Variants in DMD observed in about 807,000 individuals in gnomAD.
The protein encoded by DMD is mutant dystrophin.
A neutral mutation model predicts 330.1 loss-of-function variants in DMD; 63 were observed. That is an observed-to-expected ratio of 0.19 (90% CI 0.16 to 0.24). The LOEUF is 0.24. Among genes scored for constraint, DMD ranks in the 10% least tolerant of loss-of-function variants. The pLI, the probability that DMD is intolerant of heterozygous loss-of-function variation, is 1.00. For missense variants in DMD, 3,344 were observed against 2,684.1 expected, an observed-to-expected ratio of 1.25 and a Z score of -5.43; for synonymous variants, 1,223 against 959.8, an observed-to-expected ratio of 1.27 and a Z score of -5.07.
At chrX:32,980,368 CAAAAAAAAAAAAAAA>C in intron 2 of DMD, among the ~76,000 whole-genome samples, 1 of 42,633 alleles carries the variant, frequency 2.3e-5, no homozygotes, top group African/African-American at 8.8e-5. Flanking sequence ...GACTCTGTCT[CAAAAAAAAAAAAAAA>C]AAAAAAAAAA....
chrX:31,894,331 A>T (rs944359226), intron 47 of DMD, among the ~76,000 whole-genome samples: 1 of 111,709 alleles, frequency 9.0e-6, no homozygotes, highest in Admixed American at 9.5e-5. Flanking sequence ...ACCTACACCA[A>T]ATGGCTAACA....
intron 41 of DMD, among the ~76,000 whole-genome samples, chrX:32,311,503 A>G (rs1451176897): frequency 3.6e-5 from 4 of 111,627 alleles, no homozygotes; most frequent in Non-Finnish European, 7.6e-5. Context: ...TCTAATTTAG[A>G]TATCTCATCT....
At chrX:31,450,684 A>C (rs2065652090) in intron 59 of DMD, among the ~76,000 whole-genome samples, 1 of 112,152 alleles carries the variant, frequency 8.9e-6, no homozygotes, top group African/African-American at 3.2e-5. Context: ...CTTAAGAAAA[A>C]GGGAGTGAGA....
intron 7 of DMD, among the ~76,000 whole-genome samples, chrX:32,750,809 C>CA (rs1301885158): frequency 1.8e-5 from 2 of 111,506 alleles, no homozygotes; most frequent in African/African-American, 6.5e-5. Context: ...CATGAATTCC[C>CA]ACATGTTGTA....
chrX:32,171,716 A>C lies in DMD; in HGVS notation c.6438+45200T>G, dbSNP rs780053597. Reference sequence around the variant, plus strand: ...ATTCAATAGTTATTATATTATGATAATTTGCATATGTAGACATCCTTGAAA... The same window carrying C: ...ATTCAATAGTTATTATATTATGATACTTTGCATATGTAGACATCCTTGAAA... On this transcript the variant is annotated intron_variant, in intron 44 of 78. Transcript: ENST00000357033. Among the ~76,000 whole-genome samples the C allele has an allele frequency of 6.3e-5, 7 of 111,901 alleles. No homozygotes were observed. The South Asian group carries it at 2.2e-3, about 36-fold the overall frequency.
At chrX:32,467,069 T>G (rs1306166991) in intron 23 of DMD, among the ~76,000 whole-genome samples, 1 of 112,122 alleles carries the variant, frequency 8.9e-6, no homozygotes, top group African/African-American at 3.2e-5. Flanking sequence ...ATAGATATTT[T>G]CATGCAGTAT....
chrX:31,871,054 T>TC lies in DMD; in HGVS notation c.7098+4133dup, dbSNP rs779958511. 3.6e-5 allele frequency among the ~76,000 whole-genome samples: 4 copies of TC among 111,837 alleles called. No homozygotes were observed. The Admixed American group carries it at 3.8e-4, about 11-fold the overall frequency. Reference sequence around the variant, plus strand: ...TAGAAATTCTAAACTGGTCCCGGGATCTTAGCATTCAATTATCATTTCTGA... The same window carrying TC: ...TAGAAATTCTAAACTGGTCCCGGGATCCTTAGCATTCAATTATCATTTCTGA... On this transcript the variant is annotated intron_variant, in intron 48 of 78. Transcript: ENST00000357033.
chrX:32,511,838 A>G (rs981800072), intron 18 of DMD, among the ~76,000 whole-genome samples: 1 of 111,789 alleles, frequency 8.9e-6, no homozygotes, highest in Non-Finnish European at 1.9e-5. Context: ...TGCTATTAAC[A>G]TATAGAATAC....
intron 50 of DMD, among the ~76,000 whole-genome samples, chrX:31,816,794 T>TCTCATACACACACACACACACA (rs1556914952): frequency 4.7e-5 from 4 of 85,363 alleles, no homozygotes; most frequent in South Asian, 1.3e-3. Context: ...CAAGATTCTG[T>TCTCATACACACACACACACACA]CACACACACA....
chrX:31,404,135 C>T (rs16989598), intron 60 of DMD, among the ~76,000 whole-genome samples: 13,059 of 109,941 alleles, frequency 0.12, 1,718 homozygotes, highest in African/African-American at 0.38. Context: ...TGGGAAGAAA[C>T]GCTCAGGTGG....
In DMD at chrX:32,414,596, G is replaced by C. The variant is rs1342234040; in HGVS notation, c.4072-2683C>G. 2.7e-4 allele frequency among the ~76,000 whole-genome samples: 30 copies of C among 111,732 alleles called. No homozygotes were observed. The Admixed American group carries it at 2.9e-3, about 11-fold the overall frequency. On this transcript the variant is annotated intron_variant, in intron 29 of 78. Transcript: ENST00000357033. ...CCAGTTCCTAGAATGAAGCCCAATAGCTTTATTTATGACTGGGTGAAAAGT... is the reference window on the plus strand; with the variant it reads ...CCAGTTCCTAGAATGAAGCCCAATACCTTTATTTATGACTGGGTGAAAAGT...
intron 2 of DMD, among the ~76,000 whole-genome samples, chrX:32,857,804 T>A (rs2081708388): frequency 9.0e-6 from 1 of 111,565 alleles, no homozygotes; most frequent in Non-Finnish European, 1.9e-5. Flanking sequence ...GGACTACGTT[T>A]GGGTTTGGAG....
At chrX:32,530,169 C>G (rs1447718904) in intron 17 of DMD, among the ~76,000 whole-genome samples, 2 of 112,162 alleles carry the variant, frequency 1.8e-5, no homozygotes, top group Non-Finnish European at 3.8e-5. Flanking sequence ...TCTTTATTAT[C>G]AATTATGGCA....
chrX:31,983,963 A>G (rs2095493427), intron 44 of DMD, among the ~76,000 whole-genome samples: 1 of 111,542 alleles, frequency 9.0e-6, no homozygotes, highest in South Asian at 3.7e-4. Context: ...TGAGATTCCC[A>G]TTATTCGGTA....
chrX:31,305,711 A>C (rs1400314265), intron 62 of DMD, among the ~76,000 whole-genome samples: 4 of 112,491 alleles, frequency 3.6e-5, no homozygotes, highest in Non-Finnish European at 7.5e-5. Context: ...AAACTGCATT[A>C]TAACAAAGCA....
chrX:32,971,312 A>G (rs1244715662), intron 2 of DMD, among the ~76,000 whole-genome samples: 2 of 111,550 alleles, frequency 1.8e-5, no homozygotes, highest in Non-Finnish European at 3.8e-5. Context: ...TTTTTAATCA[A>G]TAAAAACACA....
chrX:31,886,962 A>G (rs1372390934), intron 47 of DMD, among the ~76,000 whole-genome samples: 1 of 111,853 alleles, frequency 8.9e-6, no homozygotes, highest in Non-Finnish European at 1.9e-5. Flanking sequence ...ATATCTATCA[A>G]CAACATCTAA....
rs183957495 is a variant in DMD, at chrX:32,218,161, G to C, written c.6291-1098C>G. ...ACAGTTGCACATAAGAATCAACTGG[G>C]GCATTTAAAACACAGCAACAACAAT... On this transcript the variant is annotated intron_variant, in intron 43 of 78. Transcript: ENST00000357033. Among the ~76,000 whole-genome samples the C allele has an allele frequency of 9.2e-3, 1,024 of 111,573 alleles. 10 individuals carry two copies. The highest frequency in any genetic ancestry group is 0.029 in the African/African-American group (900 of 30,740).
At chrX:31,136,506 A>G (rs927661028) in intron 76 of DMD, among the ~76,000 whole-genome samples, 2 of 112,227 alleles carry the variant, frequency 1.8e-5, no homozygotes, top group African/African-American at 6.5e-5. Context: ...ACTGGGAAAC[A>G]TGAGGCATTT....
Sources: gnomAD v4.1 joint callset for allele counts (sites outside exome capture counted in the v4.1 genomes callset) on GRCh38, gnomAD v4.1.1 for gene constraint, MANE v1.5 for transcripts, NCBI Gene and HGNC (gene_info 2026-07-23, HGNC 2026-07-21) for gene names.